THSD7A: variants seen among roughly 807,000 people sequenced by gnomAD.
THSD7A encodes thrombospondin type-1 domain-containing protein 7A.
Under a neutral mutation model 231.3 loss-of-function variants are expected in THSD7A, and 96 were observed. The ratio of observed to expected loss-of-function variants is 0.41; its 90% CI spans 0.35 to 0.49. THSD7A has a LOEUF of 0.49. Ranked by LOEUF, THSD7A falls within the 20% of genes least tolerant of loss-of-function variation. The pLI is 0.05. For synonymous variants in THSD7A, 940 were observed against 743.3 expected, an observed-to-expected ratio of 1.26 and a Z score of -4.30; for missense variants, 2,290 against 2,070.2, an observed-to-expected ratio of 1.11 and a Z score of -2.06.
chr7:11,757,543 C>A (rs1782725594), intron 1 of THSD7A, among the ~76,000 whole-genome samples: 1 of 151,962 alleles, frequency 6.6e-6, no homozygotes, highest in Non-Finnish European at 1.5e-5. Context: ...GACTTAAATT[C>A]AGATCTTCTG....
intron 1 of THSD7A, among the ~76,000 whole-genome samples, chr7:11,662,624 T>C (rs1221005290): frequency 2.6e-5 from 4 of 151,410 alleles, no homozygotes; most frequent in African/African-American, 7.3e-5. Context: ...ACCATTTCTT[T>C]TGAATGCGCA....
chr7:11,704,958 T>G (rs1250577982), intron 1 of THSD7A, among the ~76,000 whole-genome samples: 1 of 151,074 alleles, frequency 6.6e-6, no homozygotes, highest in Non-Finnish European at 1.5e-5. Flanking sequence ...ATCTAATCCA[T>G]GTTTAATGGC....
intron 6 of THSD7A, among the ~76,000 whole-genome samples, chr7:11,507,440 C>T (rs1159083410): frequency 6.6e-6 from 1 of 152,070 alleles, no homozygotes; most frequent in Non-Finnish European, 1.5e-5. Flanking sequence ...GAATACTATG[C>T]TGAATCCATA....
intron 2 of THSD7A, among the ~76,000 whole-genome samples, chr7:11,606,111 C>G (rs192322850): frequency 2.8e-4 from 43 of 152,250 alleles, no homozygotes; most frequent in African/African-American, 1.0e-3. Context: ...ATGAGCTAAG[C>G]ACAGGAATTC....
chr7:11,500,650 AAAG>A (rs1787293651), intron 6 of THSD7A, among the ~76,000 whole-genome samples: 1 of 152,080 alleles, frequency 6.6e-6, no homozygotes, highest in Non-Finnish European at 1.5e-5. Flanking sequence ...AAAAAGAAAA[AAAG>A]AAGGGGCCGG....
chr7:11,748,707 C>T (rs934124134), intron 1 of THSD7A, among the ~76,000 whole-genome samples: 4 of 151,740 alleles, frequency 2.6e-5, no homozygotes, highest in Non-Finnish European at 5.9e-5. Flanking sequence ...TTTTCAGAAA[C>T]CAAGACGTGC....
At chr7:11,725,381 C>T (rs553075384) in intron 1 of THSD7A, among the ~76,000 whole-genome samples, 5 of 152,006 alleles carry the variant, frequency 3.3e-5, no homozygotes, top group African/African-American at 1.2e-4. Context: ...CCGTACCACA[C>T]ATTTTCAGAA....
In THSD7A at chr7:11,831,196, C is replaced by A. The variant is rs1389526366; in HGVS notation, c.190+561G>T. On this transcript the variant is annotated intron_variant, in intron 1 of 27. Coordinates refer to ENST00000423059, the MANE Select transcript of THSD7A (RefSeq NM_015204.3). This position sits in a 1 kb window ranked among gnomAD's most constrained non-coding sequence, Gnocchi z 5.0. Reference sequence around the variant, plus strand: ...CCTAAAAGTTGTACACTTTAAAAATCCTCCGACTCGCTAGTTAATAATTGA... The same window carrying A: ...CCTAAAAGTTGTACACTTTAAAAATACTCCGACTCGCTAGTTAATAATTGA... Among the ~76,000 whole-genome samples the A allele has an allele frequency of 6.6e-6, 1 of 152,180 alleles. No homozygotes were observed. Among genetic ancestry groups the A allele is most frequent in the African/African-American group, 2.4e-5 (1 of 41,452 alleles).
chr7:11,477,659 T>C (rs1409879788), intron 7 of THSD7A, among the ~76,000 whole-genome samples: 3 of 152,180 alleles, frequency 2.0e-5, no homozygotes, highest in Non-Finnish European at 4.4e-5. Flanking sequence ...TTGGCTTCTG[T>C]GGCCTTTTGA....
At chr7:11,531,296 C>T (rs1447742570) in intron 6 of THSD7A, among the ~76,000 whole-genome samples, 2 of 152,114 alleles carry the variant, frequency 1.3e-5, no homozygotes, top group Non-Finnish European at 2.9e-5. Context: ...CTTCTCTGCT[C>T]CCCTAAAGTT....
At chr7:11,753,957 CAG>C (rs1382515339) in intron 1 of THSD7A, among the ~76,000 whole-genome samples, 3 of 151,904 alleles carry the variant, frequency 2.0e-5, no homozygotes, top group Admixed American at 1.3e-4. Flanking sequence ...CAACAACAAA[CAG>C]ACACACTATG....
intron 1 of THSD7A, among the ~76,000 whole-genome samples, chr7:11,744,010 A>C (rs1442781413): frequency 6.6e-6 from 1 of 151,930 alleles, no homozygotes; most frequent in Admixed American, 6.6e-5. Context: ...TACAGACTAG[A>C]CTGACAGTCT....
At chr7:11,565,895 A>C (rs113707913) in intron 4 of THSD7A, among the ~76,000 whole-genome samples, 1 of 152,168 alleles carries the variant, frequency 6.6e-6, no homozygotes, top group African/African-American at 2.4e-5. Flanking sequence ...TTGCCAACTG[A>C]ATTGGCAGGT....
chr7:11,816,408 T>C (rs1207076852), intron 1 of THSD7A, among the ~76,000 whole-genome samples: 1 of 152,198 alleles, frequency 6.6e-6, no homozygotes, highest in Non-Finnish European at 1.5e-5. Context: ...GCCTCAATGA[T>C]GTCATAATCA....
intron 4 of THSD7A, among the ~76,000 whole-genome samples, chr7:11,544,593 T>C (rs188704622): frequency 1.8e-3 from 280 of 152,348 alleles, no homozygotes; most frequent in African/African-American, 6.1e-3. Flanking sequence ...GAAAGTACTA[T>C]GTCTGTTTGT....
At chr7:11,424,860 G>C in intron 15 of THSD7A, 31 bp from the exon 16 acceptor site, 1 of 1,613,158 alleles carries the variant, frequency 6.2e-7, no homozygotes, top group South Asian at 1.1e-5. Flanking sequence ...AGCAATCTCA[G>C]GGAATCTGGT....
chr7:11,459,665 ATTTTTTTTTTTTTTTTTTTT>A (rs34415355), intron 11 of THSD7A, among the ~76,000 whole-genome samples: 782 of 39,942 alleles, frequency 0.02, 20 homozygotes, highest in African/African-American at 0.043. Context: ...AAAACAGGGG[ATTTTTTTTTTTTTTTTTTTT>A]TTTTTTTTTT....
intron 26 of THSD7A, chr7:11,376,881 A>G (rs1375741944): frequency 8.3e-6 from 3 of 359,778 alleles, no homozygotes; most frequent in African/African-American, 6.3e-5. Context: ...AAAATTATAA[A>G]TGTTTGACTT....
intron 1 of THSD7A, among the ~76,000 whole-genome samples, chr7:11,646,490 T>G (rs1782287781): frequency 6.6e-6 from 1 of 151,966 alleles, no homozygotes; most frequent in South Asian, 2.1e-4. Flanking sequence ...TGTTTGTGAG[T>G]GTTTAAAATA....
Sources: gnomAD v4.1 joint callset for allele counts (sites outside exome capture counted in the v4.1 genomes callset) on GRCh38, gnomAD v4.1.1 for gene constraint, Gnocchi (gnomAD v3.1) non-coding constraint, MANE v1.5 for transcripts, NCBI Gene and HGNC (gene_info 2026-07-23, HGNC 2026-07-21) for gene names.